The following DUS2 variants were observed in gnomAD, a reference collection of about 807,000 sequenced individuals.
DUS2 encodes dihydrouridine synthase 2.
DUS2 carries 52 observed loss-of-function variants against 71.3 expected under a neutral mutation model. The observed-to-expected ratio is 0.73, with a 90% CI of 0.58 to 0.92. The LOEUF (loss-of-function observed/expected upper bound fraction) is 0.92, where lower values mean the gene tolerates loss of function less well. DUS2 is among the 40% of genes least tolerant of loss of function. The pLI is 0.00. For synonymous variants in DUS2, 204 were observed against 227.8 expected (o/e 0.90, Z 0.94); for missense variants, 558 against 622.6 (o/e 0.90, Z 1.10).
intron 4 of DUS2, among the ~76,000 whole-genome samples, chr16:68,050,409 T>A (rs1019630744): frequency 2.6e-5 from 4 of 152,184 alleles, no homozygotes; most frequent in Non-Finnish European, 5.9e-5. Context: ...GTGCTGGAAT[T>A]ACAGGTGTGA....
chr16:68,032,765 T>A (rs2033458219), intron 2 of DUS2, among the ~76,000 whole-genome samples: 1 of 148,772 alleles, frequency 6.7e-6, no homozygotes, highest in Admixed American at 6.7e-5. Context: ...AGGTCAGGAG[T>A]TAGCTGGGTG....
In DUS2 at chr16:68,024,831, C is replaced by CTT. The variant is rs568848831; in HGVS notation, c.-98-566_-98-565dup. On this transcript the variant is annotated intron_variant, in intron 1 of 16. Transcript: ENST00000565263. ...CACCATATTTGACAATGGCTGGATA[C>CTT]TTTTTTTTTTTTTTTTTTTATAGAC... 3.5e-4 allele frequency among the ~76,000 whole-genome samples: 46 copies of CTT among 132,260 alleles called. No individual in the cohort carries two copies. In the East Asian group the frequency reaches 7.4e-3, roughly 21 times the overall value. The allele number at this position is 132,260 out of a possible 152,430, so 86.8% of individuals were successfully genotyped here.
At position 68,073,924 on chromosome 16, in the gene DUS2, G is replaced by T. The variant is rs532197785; in HGVS notation, c.811-110G>T. Reference sequence around the variant, plus strand: ...CTTCTTATGGGGGTCACATTGCCTTGGCTACACATACATCTCTGGTGCCTT... The same window carrying T: ...CTTCTTATGGGGGTCACATTGCCTTTGCTACACATACATCTCTGGTGCCTT... On this transcript the variant is annotated intron_variant, in intron 12 of 16. Transcript: ENST00000565263. 13 of 1,392,098 alleles carry T rather than the reference G, an allele frequency of 9.3e-6. No homozygotes were observed. The South Asian group carries it at 1.0e-4, about 11-fold the overall frequency. 86.2% of individuals were successfully genotyped at this position (1,392,098 alleles called of 1,614,324 possible).
intron 7 of DUS2, among the ~76,000 whole-genome samples, chr16:68,059,353 C>T (rs950048975): frequency 1.3e-5 from 2 of 152,032 alleles, no homozygotes; most frequent in East Asian, 1.9e-4. Flanking sequence ...TTAATAGAAA[C>T]GAAGGAAGGA....
intron 3 of DUS2, among the ~76,000 whole-genome samples, chr16:68,047,347 T>C (rs1411196594): frequency 1.3e-5 from 2 of 151,758 alleles, no homozygotes; most frequent in African/African-American, 4.8e-5. Context: ...AGCTGCCGCG[T>C]CTGGCCTCTC....
chr16:68,061,370 C>T (rs2033938045), intron 8 of DUS2, among the ~76,000 whole-genome samples: 1 of 152,202 alleles, frequency 6.6e-6, no homozygotes, highest in African/African-American at 2.4e-5. Context: ...GCCAGGGGTC[C>T]TGAGGACTCA....
intron 10 of DUS2, among the ~76,000 whole-genome samples, chr16:68,069,039 A>C (rs2034048450): frequency 1.3e-5 from 2 of 152,086 alleles, no homozygotes; most frequent in Non-Finnish European, 2.9e-5. Flanking sequence ...TTGGAGATGT[A>C]GGGAGACAGA....
At position 68,042,452 on chromosome 16, in the gene DUS2, A is replaced by G. The variant is rs1169587685; in HGVS notation, c.126+4303A>G. 3.3e-5 allele frequency among the ~76,000 whole-genome samples: 5 copies of G among 152,182 alleles called. No individual in the cohort carries two copies. In the East Asian group the frequency reaches 7.7e-4, roughly 23 times the overall value. ...ACCCTCCATTCTGTTTCCCATAACCATAATAGCTGCATCATTTTACAATCC... is the reference window on the plus strand; with the variant it reads ...ACCCTCCATTCTGTTTCCCATAACCGTAATAGCTGCATCATTTTACAATCC... On this transcript the variant is annotated intron_variant, in intron 3 of 16. Transcript: ENST00000565263.
chr16:68,032,908 C>CAAAAAAAA (rs71145986), intron 2 of DUS2, among the ~76,000 whole-genome samples: 4 of 57,934 alleles, frequency 6.9e-5, no homozygotes, highest in Admixed American at 2.9e-4. Context: ...GACTCCATCT[C>CAAAAAAAA]AAAAAAAAAA....
At chr16:68,070,681 TTA>T (rs1290552489) in intron 11 of DUS2, among the ~76,000 whole-genome samples, 1 of 152,206 alleles carries the variant, frequency 6.6e-6, no homozygotes, top group Non-Finnish European at 1.5e-5. Context: ...AGCCACTGTT[TTA>T]GATTAGGGGC....
intron 3 of DUS2, among the ~76,000 whole-genome samples, chr16:68,048,986 G>A (rs955011418): frequency 8.5e-5 from 13 of 152,086 alleles, no homozygotes; most frequent in Non-Finnish European, 1.8e-4. Flanking sequence ...TGGGGACCTC[G>A]CCCTTTTCAT....
At chr16:68,033,511 G>A (rs1486372282) in intron 2 of DUS2, among the ~76,000 whole-genome samples, 1 of 151,692 alleles carries the variant, frequency 6.6e-6, no homozygotes. Flanking sequence ...TTGAGACAGG[G>A]TCTTGCTCTG....
intron 3 of DUS2, among the ~76,000 whole-genome samples, chr16:68,043,694 T>C (rs943436829): frequency 2.0e-5 from 3 of 152,216 alleles, no homozygotes; most frequent in Admixed American, 1.3e-4. Flanking sequence ...AGATGGAGTC[T>C]TGCTCTGTTG....
intron 8 of DUS2, among the ~76,000 whole-genome samples, chr16:68,062,633 G>A (rs2033955307): frequency 6.6e-6 from 1 of 150,578 alleles, no homozygotes; most frequent in African/African-American, 2.5e-5. Flanking sequence ...GCAGGAGAAT[G>A]GCATAAACCC....
intron 3 of DUS2, among the ~76,000 whole-genome samples, chr16:68,042,229 G>A (rs59310278): frequency 1.3e-3 from 192 of 152,218 alleles, no homozygotes; most frequent in African/African-American, 4.4e-3. Context: ...ATACTCTATT[G>A]TATGTATATA....
intron 3 of DUS2, among the ~76,000 whole-genome samples, chr16:68,042,388 G>A (rs772974263): frequency 6.6e-6 from 1 of 152,138 alleles, no homozygotes; most frequent in Non-Finnish European, 1.5e-5. Flanking sequence ...TCCGGAAGTG[G>A]GATTGCTAGA....
chr16:68,026,616 C>T (rs995284547), intron 2 of DUS2, among the ~76,000 whole-genome samples: 6 of 152,050 alleles, frequency 3.9e-5, no homozygotes, highest in East Asian at 1.9e-4. Context: ...TGGTGGCTCA[C>T]GCCTGTAATC....
intron 7 of DUS2, among the ~76,000 whole-genome samples, chr16:68,056,900 A>G (rs1286507006): frequency 7.0e-6 from 1 of 143,512 alleles, no homozygotes; most frequent in Non-Finnish European, 1.5e-5. Flanking sequence ...TATATTACAT[A>G]TATATTTATT....
chr16:68,037,843 C>A, intron 2 of DUS2, 163 bp from the exon 3 acceptor site: 1 of 671,312 alleles, frequency 1.5e-6, no homozygotes, highest in Non-Finnish European at 2.3e-6. Context: ...GGTGACAAAG[C>A]AAGACTGTCT....
Sources: gnomAD v4.1 joint callset for allele counts (sites outside exome capture counted in the v4.1 genomes callset) on GRCh38, gnomAD v4.1.1 for gene constraint, MANE v1.5 for transcripts, NCBI Gene and HGNC (gene_info 2026-07-23, HGNC 2026-07-21) for gene names.